Variants in NRXN1 observed in about 807,000 individuals in gnomAD.
NRXN1 encodes the protein neurexin 1.
NRXN1 carries 39 observed loss-of-function variants against 150.9 expected under a neutral mutation model. The ratio of observed to expected loss-of-function variants is 0.26; its 90% CI spans 0.20 to 0.34. NRXN1 has a LOEUF of 0.34. Among genes scored for constraint, NRXN1 ranks in the 10% least tolerant of loss-of-function variants. The pLI is 1.00. For synonymous variants in NRXN1, 924 were observed against 757.0 expected (o/e 1.22, Z -3.62); for missense variants, 1,815 against 1,949.9 (o/e 0.93, Z 1.30).
intron 21 of NRXN1, among the ~76,000 whole-genome samples, chr2:49,990,927 C>A (rs1432674131): frequency 6.6e-6 from 1 of 152,060 alleles, no homozygotes; most frequent in Non-Finnish European, 1.5e-5. Context: ...TAGCAAGGTA[C>A]AAAATACCCC....
intron 17 of NRXN1, among the ~76,000 whole-genome samples, chr2:50,331,997 A>T (rs1397700416): frequency 3.3e-5 from 5 of 151,788 alleles, no homozygotes; most frequent in Non-Finnish European, 5.9e-5. Context: ...GTTTCAGTAA[A>T]CTCCTTAGGT....
chr2:50,885,544 T>C (rs1275973748), intron 5 of NRXN1, among the ~76,000 whole-genome samples: 6 of 151,294 alleles, frequency 4.0e-5, no homozygotes, highest in African/African-American at 1.5e-4. Context: ...ACTTCCAAAA[T>C]GAAATTTTCT....
intron 5 of NRXN1, among the ~76,000 whole-genome samples, chr2:50,693,745 A>T (rs972384428): frequency 2.6e-5 from 4 of 152,210 alleles, no homozygotes; most frequent in Non-Finnish European, 5.9e-5. Context: ...AATTGCAGAT[A>T]TGTCTGCAAC....
At chr2:50,387,246 T>A (rs2081387193) in intron 17 of NRXN1, among the ~76,000 whole-genome samples, 1 of 152,080 alleles carries the variant, frequency 6.6e-6, no homozygotes, top group Non-Finnish European at 1.5e-5. Flanking sequence ...AAAGCTAGAG[T>A]AATCTGCTTG....
chr2:49,957,061 C>G (rs1006981150), intron 21 of NRXN1, among the ~76,000 whole-genome samples: 2 of 152,062 alleles, frequency 1.3e-5, no homozygotes, highest in Admixed American at 6.6e-5. Context: ...TGAAATTGAA[C>G]TTCAATGTGT....
chr2:50,091,202 C>G, intron 19 of NRXN1, 121 bp downstream of exon 19: 1 of 1,126,186 alleles, frequency 8.9e-7, no homozygotes, highest in South Asian at 1.3e-5. Flanking sequence ...ACTCTAAAGT[C>G]CAATAAATAG....
chr2:50,210,096 A>G (rs1390085473), intron 18 of NRXN1, among the ~76,000 whole-genome samples: 1 of 151,998 alleles, frequency 6.6e-6, no homozygotes, highest in South Asian at 2.1e-4. Flanking sequence ...AAGAAAATCA[A>G]AACAGAATTG....
rs144088014 is a variant in NRXN1, at chr2:50,133,425, A to T, written c.3547-41931T>A. Among the ~76,000 whole-genome samples, 906 of 152,284 alleles carry T rather than the reference A, an allele frequency of 5.9e-3. 9 individuals are homozygous for T. Among genetic ancestry groups the T allele is most frequent in the African/African-American group, 0.021 (861 of 41,550 alleles). On this transcript the variant is annotated intron_variant, in intron 18 of 22. Transcript: ENST00000401669. ...CACTGAAAATTCTCCAGAGGAAATA[A>T]TTGTGCTTATAACATAGGTGGAGTA... is the stretch of plus-strand genomic sequence containing the variant.
chr2:50,305,973 G>T (rs1375004653), intron 17 of NRXN1, among the ~76,000 whole-genome samples: 1 of 152,098 alleles, frequency 6.6e-6, no homozygotes, highest in Non-Finnish European at 1.5e-5. Context: ...GCCCCCACCT[G>T]TTGCCTCCTG....
At chr2:50,857,602 A>C (rs981000060) in intron 5 of NRXN1, among the ~76,000 whole-genome samples, 7 of 152,082 alleles carry the variant, frequency 4.6e-5, no homozygotes, top group African/African-American at 1.7e-4. Context: ...AAAGATATAC[A>C]AAGCCATTAA....
intron 21 of NRXN1, among the ~76,000 whole-genome samples, chr2:49,986,383 T>A (rs546468444): frequency 3.2e-4 from 49 of 152,278 alleles, no homozygotes; most frequent in Non-Finnish European, 5.7e-4. Context: ...CCCATTAACA[T>A]AAATTTAAAA....
chr2:50,669,912 T>C (rs544078042), intron 5 of NRXN1, among the ~76,000 whole-genome samples: 2 of 151,626 alleles, frequency 1.3e-5, no homozygotes, highest in South Asian at 2.1e-4. Context: ...AAATTTAGAA[T>C]AGTAATCTCC....
intron 2 of NRXN1, among the ~76,000 whole-genome samples, chr2:51,024,042 A>G (rs1364025733): frequency 6.6e-6 from 1 of 152,240 alleles, no homozygotes; most frequent in African/African-American, 2.4e-5. Context: ...CATGAGAATT[A>G]TAACTTAATT....
At chr2:50,602,006 T>C (rs2216784) in intron 8 of NRXN1, among the ~76,000 whole-genome samples, 35,166 of 152,120 alleles carry the variant, frequency 0.23, 4,541 homozygotes, top group East Asian at 0.39. Flanking sequence ...AAGACCCAGT[T>C]ATGAGTTGTT....
chr2:49,968,412 A>G (rs1010710295), intron 21 of NRXN1, among the ~76,000 whole-genome samples: 8 of 152,126 alleles, frequency 5.3e-5, no homozygotes, highest in Admixed American at 1.3e-4. Flanking sequence ...TTTATATTTC[A>G]TAAAGCATGA....
intron 5 of NRXN1, among the ~76,000 whole-genome samples, chr2:50,822,953 A>G (rs187118692): frequency 6.6e-6 from 1 of 152,300 alleles, no homozygotes; most frequent in East Asian, 1.9e-4. Flanking sequence ...GCTACCATGT[A>G]TATTTTCAAA....
chr2:50,205,607 C>A (rs1475125946), intron 18 of NRXN1, among the ~76,000 whole-genome samples: 1 of 152,004 alleles, frequency 6.6e-6, no homozygotes, highest in Non-Finnish European at 1.5e-5. Flanking sequence ...TGGAAGAAAA[C>A]TGGACATCAA....
intron 5 of NRXN1, among the ~76,000 whole-genome samples, chr2:50,768,211 T>C (rs776314712): frequency 8.5e-5 from 13 of 152,090 alleles, no homozygotes; most frequent in Non-Finnish European, 1.5e-4. Context: ...CTCTGCAGTG[T>C]ATTTGCTAAC....
chr2:49,954,968 C>T (rs1674668074), intron 21 of NRXN1, among the ~76,000 whole-genome samples: 1 of 152,092 alleles, frequency 6.6e-6, no homozygotes. Context: ...ATTCTTAAAG[C>T]ATTTGCGTGA....
Sources: allele counts gnomAD v4.1 joint callset (sites outside exome capture counted in the v4.1 genomes callset), GRCh38; gene constraint gnomAD v4.1.1; transcripts MANE v1.5; gene names NCBI Gene and HGNC (gene_info 2026-07-23, HGNC 2026-07-21).